JUP: variants seen among roughly 807,000 people sequenced by gnomAD.
JUP encodes the protein catenin (cadherin-associated protein), gamma 80kDa.
Under a neutral mutation model 71.1 loss-of-function variants are expected in JUP, and 28 were observed. The observed-to-expected ratio is 0.39, with a 90% confidence interval of 0.29 to 0.54. The LOEUF (loss-of-function observed/expected upper bound fraction) is 0.54. Ranked by LOEUF, JUP falls within the 20% of genes least tolerant of loss-of-function variation. JUP has a pLI of 0.62. For synonymous variants in JUP, 401 were observed against 438.9 expected, an observed-to-expected ratio of 0.91 and a Z score of 1.08; for missense variants, 869 against 1,030.1, an observed-to-expected ratio of 0.84 and a Z score of 2.14.
chr17:41,782,464 C>A (rs987159244), intron 1 of JUP, among the ~76,000 whole-genome samples: 1 of 152,172 alleles, frequency 6.6e-6, no homozygotes, highest in Non-Finnish European at 1.5e-5. Flanking sequence ...CTTGGCATAG[C>A]CCCAGCCCCC....
At chr17:41,767,046 CAA>C (rs57624378) in intron 5 of JUP, among the ~76,000 whole-genome samples, 106 of 75,526 alleles carry the variant, frequency 1.4e-3, no homozygotes, top group East Asian at 7.9e-3. Flanking sequence ...GACCCTGTCT[CAA>C]AAAAAAAAAA....
At position 41,757,678 on chromosome 17, in the gene JUP, G is replaced by A. The variant is rs781883243; in HGVS notation, c.1880C>T (p.Ser627Leu). 47 of 1,613,424 alleles carry A rather than the reference G, an allele frequency of 2.9e-5. No individual in the cohort carries two copies. The highest frequency in any genetic ancestry group is 9.9e-5 in the South Asian group (9 of 91,048). Residue 627 changes from serine to leucine, a missense_variant, in exon 11 of 14, where the codon TCG becomes TTG. Physicochemically the swap from Ser to Leu is moderately radical, Grantham distance 145 (BLOSUM62 -2). Transcript: ENST00000393931. ...AADAIDAEGASAPLMELLHSR... is the reference protein window; with the variant it reads ...AADAIDAEGALAPLMELLHSR... ...GTGCAGCAACTCCATGAGTGGGGCC[G>A]AGGCCCCCTCTGCATCAATGGCGTC... is the stretch of plus-strand genomic sequence containing the variant.
chr17:41,763,045 T>A lies in JUP; in HGVS notation c.1435A>T (p.Asn479Tyr). ...AEMAQNSVRL[N>Y]YGIPAIVKLL... ...TTCACGATGGCTGGGATGCCATAGT[T>A]GAGACGCACAGAGTTCTGGGCCATC... Residue 479 changes from asparagine to tyrosine, a missense_variant, in exon 8 of 14, where the codon AAC (asparagine) becomes TAC (tyrosine). Transcript: ENST00000393931. The A allele has an allele frequency of 1.2e-6, 2 of 1,614,134 alleles. No homozygotes were observed. The highest frequency in any genetic ancestry group is 1.7e-6 in the Non-Finnish European group (2 of 1,179,988).
chr17:41,760,445 A>C lies in JUP; in HGVS notation c.1498-1575T>G, dbSNP rs987451843. Among the ~76,000 whole-genome samples, 14 of 151,134 alleles carry C rather than the reference A, an allele frequency of 9.3e-5. No homozygotes were observed. In the East Asian group the frequency reaches 2.6e-3, roughly 28 times the overall value. On this transcript the variant is annotated intron_variant, in intron 8 of 13. Transcript: ENST00000393931. Reference sequence around the variant, plus strand: ...TAATTTCTTTGTATTTTTTTAGTAGAGATGGGGTTTCACCGTGTTAGCCAG... The same window carrying C: ...TAATTTCTTTGTATTTTTTTAGTAGCGATGGGGTTTCACCGTGTTAGCCAG...
Position 41,770,007 on chromosome 17 carries a change from T to C in JUP, c.209-330A>G, listed in dbSNP as rs117820876. On this transcript the variant is annotated intron_variant, in intron 2 of 13. Coordinates refer to ENST00000393931, the MANE Select transcript of JUP (RefSeq NM_002230.4). ...CCTGACAACGACCCTGCAAGGTAAG[T>C]ACTATCACTGGCTCCACTTTACAGA... is the stretch of plus-strand genomic sequence containing the variant. Among the ~76,000 whole-genome samples the C allele has an allele frequency of 1.5e-3, 224 of 151,648 alleles. No individual in the cohort carries two copies. Among genetic ancestry groups the C allele is most frequent in the East Asian group, 0.014 (74 of 5,160 alleles).
chr17:41,756,064 C>A, intron 13 of JUP, 111 bp downstream of exon 13: 1 of 1,339,590 alleles, frequency 7.5e-7, no homozygotes, highest in South Asian at 1.2e-5. Flanking sequence ...GGATGCCACA[C>A]AGCAGTTGCC....
chr17:41,774,205 G>A, intron 1 of JUP, among the ~76,000 whole-genome samples: 1 of 151,258 alleles, frequency 6.6e-6, no homozygotes, highest in East Asian at 2.0e-4. Context: ...AGCTACCCAG[G>A]GAGAGACAGA....
chr17:41,784,989 AGGAAATT>A (rs1362947255), intron 1 of JUP: 1 of 151,846 alleles, frequency 6.6e-6, no homozygotes, highest in African/African-American at 2.4e-5. Flanking sequence ...GGGCGGTCTC[AGGAAATT>A]GGGAGCAGGG....
At chr17:41,779,620 G>A (rs1288212278) in intron 1 of JUP, among the ~76,000 whole-genome samples, 5 of 151,916 alleles carry the variant, frequency 3.3e-5, no homozygotes, top group East Asian at 3.9e-4. Flanking sequence ...GAGCCACCGC[G>A]GCTGGCCCCC....
Position 41,757,396 on chromosome 17 carries a change from T to C in JUP, c.2046+19A>G. 6.2e-7 allele frequency: 1 copy of C among 1,614,064 alleles called. No individual in the cohort carries two copies. The highest frequency in any genetic ancestry group is 8.5e-7 in the Non-Finnish European group (1 of 1,179,988). ...CAACTTGCACAACCAACTACTGTGG[T>C]CCAACCTAGGATACTCACAGCCTCC... is the stretch of plus-strand genomic sequence containing the variant. On this transcript the variant is annotated intron_variant, in intron 12 of 13. Coordinates refer to ENST00000393931, the MANE Select transcript of JUP (RefSeq NM_002230.4).
In JUP at chr17:41,770,249, C is replaced by T. The variant is rs377724915; in HGVS notation, c.209-572G>A. 1.6e-4 allele frequency among the ~76,000 whole-genome samples: 25 copies of T among 152,240 alleles called. 1 individual carries two copies. The South Asian group carries it at 5.0e-3, about 30-fold the overall frequency. On this transcript the variant is annotated intron_variant, in intron 2 of 13. Transcript: ENST00000393931. Reference sequence around the variant, plus strand: ...ACCAACATCACATCTCACAGCAGATCAGAGGGAAAGTCAGGGCTGTGGGTT... The same window carrying T: ...ACCAACATCACATCTCACAGCAGATTAGAGGGAAAGTCAGGGCTGTGGGTT...
intron 1 of JUP, chr17:41,772,884 T>C: frequency 1.0e-6 from 1 of 985,422 alleles, no homozygotes; most frequent in South Asian, 4.7e-5. Context: ...TTGGTCTGTG[T>C]TTGGCTCCAC....
chr17:41,766,789 A>G (rs1915781472), intron 5 of JUP, among the ~76,000 whole-genome samples: 1 of 151,724 alleles, frequency 6.6e-6, no homozygotes, highest in Non-Finnish European at 1.5e-5. Context: ...CGGGAGGCGA[A>G]GGTTGCAGTG....
At position 41,755,397 on chromosome 17, in the gene JUP, G is replaced by A. The variant is rs1020713574; in HGVS notation, c.*347C>T. The A allele has an allele frequency of 2.9e-5, 12 of 408,868 alleles. No homozygotes were observed. The highest frequency in any genetic ancestry group is 6.1e-4 in the Middle Eastern group (1 of 1,640). The allele number at this position is 408,868 out of a possible 1,614,324, so 25.3% of individuals were successfully genotyped here. On this transcript the variant is annotated 3_prime_UTR_variant, in exon 14 of 14. Coordinates refer to ENST00000393931, the MANE Select transcript of JUP (RefSeq NM_002230.4). ...AGGCACTTTTCTGTCTTGCCCCATCGCCTGCACGGAGAGCCTCTCAGATGA... is the reference window on the plus strand; with the variant it reads ...AGGCACTTTTCTGTCTTGCCCCATCACCTGCACGGAGAGCCTCTCAGATGA...
At chr17:41,772,991 C>A in intron 1 of JUP, 1 of 985,538 alleles carries the variant, frequency 1.0e-6, no homozygotes, top group African/African-American at 1.7e-5. Context: ...TTCACAGACA[C>A]CGTCATGCTC....
At chr17:41,760,148 G>A (rs1463950423) in intron 8 of JUP, among the ~76,000 whole-genome samples, 1 of 151,480 alleles carries the variant, frequency 6.6e-6, no homozygotes, top group Non-Finnish European at 1.5e-5. Flanking sequence ...GGGCAACAGA[G>A]CAAGAATCTG....
chr17:41,775,987 C>G, intron 1 of JUP: 1 of 985,432 alleles, frequency 1.0e-6, no homozygotes, highest in Non-Finnish European at 1.2e-6. Flanking sequence ...CTACACCAGG[C>G]TCCTTCCCCA....
rs782509792 is a variant in JUP at position 41,765,027 on chromosome 17, T to A, written c.950A>T (p.Gln317Leu). The A allele has an allele frequency of 6.2e-6, 10 of 1,614,002 alleles. No homozygotes were observed. The African/African-American group carries it at 1.1e-4, about 17-fold the overall frequency. ...LANGGPQALV[Q>L]IMRNYSYEKL... ...TTCATAACTGTAGTTACGCATGATCTGCACGAGGGCCTGGGGCCCACCATT... is the reference window on the plus strand; with the variant it reads ...TTCATAACTGTAGTTACGCATGATCAGCACGAGGGCCTGGGGCCCACCATT... Residue 317 changes from glutamine (Q) to leucine (L), a missense_variant, in exon 6 of 14, where the codon CAG becomes CTG. Transcript: ENST00000393931.
rs139455597 is a variant in JUP at position 41,765,626 on chromosome 17, T to C, written c.910-559A>G. 5.4e-3 allele frequency among the ~76,000 whole-genome samples: 823 copies of C among 152,290 alleles called. 10 individuals carry two copies. The highest frequency in any genetic ancestry group is 0.018 in the African/African-American group (765 of 41,570). On this transcript the variant is annotated intron_variant, in intron 5 of 13. Coordinates refer to ENST00000393931, the MANE Select transcript of JUP (RefSeq NM_002230.4). ...CCTCTGCCTCCCAAAGTGCTGGGAT[T>C]ACAGGCGTGAACCACCACACCCAGC...
Sources: gnomAD v4.1 joint callset for allele counts (sites outside exome capture counted in the v4.1 genomes callset) on GRCh38, gnomAD v4.1.1 for gene constraint, MANE v1.5 for transcripts, NCBI Gene and HGNC (gene_info 2026-07-23, HGNC 2026-07-21) for gene names.